The following DEXI variants were observed in gnomAD, a reference collection of about 807,000 sequenced individuals.
DEXI encodes dexamethasone-induced protein.
In DEXI, 2 loss-of-function variants were observed where a neutral mutation model predicts 2.5. That is an observed-to-expected ratio of 0.81 (90% CI 0.33 to 2.55). The LOEUF is 2.55. DEXI is among the 30% of genes most tolerant of loss of function. The probability of loss-of-function intolerance (pLI) is 0.11; values close to 1 mark genes in which losing one functional copy is unlikely to be tolerated. For synonymous variants in DEXI, 71 were observed against 68.7 expected (o/e 1.03, Z -0.17); for missense variants, 108 against 130.3 (o/e 0.83, Z 0.83).
chr16:10,938,391 C>A lies in DEXI; in HGVS notation c.*149+3178G>T, dbSNP rs1053564337. On this transcript the variant is annotated intron_variant, in intron 1 of 1. Transcript: ENST00000331808. The surrounding 1 kb of genome is among the most constrained non-coding windows in gnomAD (Gnocchi z 4.9). ...AGAGAAAAAAAAAAAAAAGAGGGAGCAAAAGTAGGTGCACCTGTTCATCTT... is the reference window on the plus strand; with the variant it reads ...AGAGAAAAAAAAAAAAAAGAGGGAGAAAAAGTAGGTGCACCTGTTCATCTT... The A allele has an allele frequency of 6.6e-6, 1 of 151,270 alleles. No individual in the cohort carries two copies. The highest frequency in any genetic ancestry group is 6.6e-5 in the Admixed American group (1 of 15,180). 9.4% of individuals were successfully genotyped at this position (151,270 alleles called of 1,614,324 possible).
At chr16:10,932,714 G>C (rs1395615101) in intron 1 of DEXI, 1 of 59,698 alleles carries the variant, frequency 1.7e-5, no homozygotes, top group South Asian at 5.3e-4. Flanking sequence ...TTTTTTTTTT[G>C]AGACAGGGTC....
At chr16:10,932,548 G>A (rs1007371836) in intron 1 of DEXI, 3 of 152,036 alleles carry the variant, frequency 2.0e-5, no homozygotes, top group African/African-American at 7.2e-5. Context: ...CTGAGATGGG[G>A]GTATCCAATC....
rs2040959999 is a variant in DEXI at position 10,934,849 on chromosome 16, GA to G, written c.*150-5291del. ...TGTGAGGGCACCAGCACCATCTGGG[GA>G]CTCGCTGGGTACCAATTATCACCGC... On this transcript the variant is annotated intron_variant, in intron 1 of 1. Transcript: ENST00000331808. This position sits in a 1 kb window ranked among gnomAD's most constrained non-coding sequence, Gnocchi z 4.2. The G allele has an allele frequency of 6.6e-6, 1 of 152,266 alleles. No individual in the cohort carries two copies. 9.4% of individuals were successfully genotyped at this position (152,266 alleles called of 1,614,324 possible).
In DEXI at chr16:10,939,262, C is replaced by T. The variant is rs1484951932; in HGVS notation, c.*149+2307G>A. 1.3e-5 allele frequency: 2 copies of T among 152,254 alleles called. No individual in the cohort carries two copies. Among genetic ancestry groups the T allele is most frequent in the African/African-American group, 4.8e-5 (2 of 41,436 alleles). The allele number at this position is 152,254 out of a possible 1,614,324, so 9.4% of individuals were successfully genotyped here. The stretch of plus-strand genomic sequence containing the variant: ...CCTCTGTCACCTCTGGCCTGGACAA[C>T]TAACAGCATCTGAGGTGGTGGCCCT... On this transcript the variant is annotated intron_variant, in intron 1 of 1. Coordinates refer to ENST00000331808, the MANE Select transcript of DEXI (RefSeq NM_014015.4). The surrounding 1 kb of genome is among the most constrained non-coding windows in gnomAD (Gnocchi z 4.9).
At position 10,929,630 on chromosome 16, in the gene DEXI, G is replaced by C. The variant is rs1383112460; in HGVS notation, c.*150-71C>G. 4.3e-6 allele frequency: 4 copies of C among 936,622 alleles called. No homozygotes were observed. The highest frequency in any genetic ancestry group is 5.1e-6 in the Non-Finnish European group (4 of 785,550). The allele number at this position is 936,622 out of a possible 1,614,324, so 58.0% of individuals were successfully genotyped here. On this transcript the variant is annotated intron_variant, in intron 1 of 1. Transcript: ENST00000331808. The surrounding 1 kb of genome is among the most constrained non-coding windows in gnomAD (Gnocchi z 4.3). ...CTGCCACCAGGTTGGCTGGGGACAG[G>C]GACCAATCCACCAGGCTCGGGAGGC... is the stretch of plus-strand genomic sequence containing the variant.
rs1419783517 is a variant in DEXI, at chr16:10,937,579, G to A, written c.*149+3990C>T. ...GCACCAGGACAAGCTGACTCTGGTGGCAACGTTCTCCAGTCTCTGCATTTT... is the reference window on the plus strand; with the variant it reads ...GCACCAGGACAAGCTGACTCTGGTGACAACGTTCTCCAGTCTCTGCATTTT... On this transcript the variant is annotated intron_variant, in intron 1 of 1. Transcript: ENST00000331808. The surrounding 1 kb of genome is among the most constrained non-coding windows in gnomAD (Gnocchi z 4.2). 6.6e-6 allele frequency: 1 copy of A among 152,248 alleles called. No individual in the cohort carries two copies. The highest frequency in any genetic ancestry group is 1.5e-5 in the Non-Finnish European group (1 of 68,050). The allele number at this position is 152,248 out of a possible 1,614,324, so 9.4% of individuals were successfully genotyped here.
Position 10,939,247 on chromosome 16 carries a change from C to T in DEXI, c.*149+2322G>A, listed in dbSNP as rs1275300839. On this transcript the variant is annotated intron_variant, in intron 1 of 1. Transcript: ENST00000331808. This position sits in a 1 kb window ranked among gnomAD's most constrained non-coding sequence, Gnocchi z 4.9. ...CTCCCCTCATCCAAGCCTCTGTCACCTCTGGCCTGGACAACTAACAGCATC... is the reference window on the plus strand; with the variant it reads ...CTCCCCTCATCCAAGCCTCTGTCACTTCTGGCCTGGACAACTAACAGCATC... 1 of 152,272 alleles carries T rather than the reference C, an allele frequency of 6.6e-6. No individual in the cohort carries two copies. Among genetic ancestry groups the T allele is most frequent in the Non-Finnish European group, 1.5e-5 (1 of 68,082 alleles). The allele number at this position is 152,272 out of a possible 1,614,324, so 9.4% of individuals were successfully genotyped here. A position where few individuals can be genotyped will look rare whatever the true frequency, so the allele number is the denominator to read the frequency against.
Position 10,937,224 on chromosome 16 carries a change from T to C in DEXI, c.*149+4345A>G, listed in dbSNP as rs890040352. 2 of 152,332 alleles carry C rather than the reference T, an allele frequency of 1.3e-5. No individual in the cohort carries two copies. The highest frequency in any genetic ancestry group is 6.5e-5 in the Admixed American group (1 of 15,290). 9.4% of individuals were successfully genotyped at this position (152,332 alleles called of 1,614,324 possible). On this transcript the variant is annotated intron_variant, in intron 1 of 1. Coordinates refer to ENST00000331808, the MANE Select transcript of DEXI (RefSeq NM_014015.4). This position sits in a 1 kb window ranked among gnomAD's most constrained non-coding sequence, Gnocchi z 4.2. ...GAGGTGGCCAGGCCTGGGGGTATAC[T>C]TGCCTCCCTGTGTCACCATTGTCTG...
intron 1 of DEXI, chr16:10,935,833 A>G (rs916180293): frequency 2.0e-5 from 3 of 152,180 alleles, no homozygotes; most frequent in African/African-American, 7.2e-5. Flanking sequence ...CCAGCCTTGT[A>G]CTCTGCTTAA....
rs2040694390 is a variant in DEXI at position 10,929,696 on chromosome 16, TAGGGAA to T, written c.*150-143_*150-138del. 3.1e-6 allele frequency: 1 copy of T among 322,166 alleles called. No individual in the cohort carries two copies. The highest frequency in any genetic ancestry group is 1.7e-4 in the East Asian group (1 of 5,836). 20.0% of individuals were successfully genotyped at this position (322,166 alleles called of 1,614,324 possible). A position where few individuals can be genotyped will look rare whatever the true frequency, so the allele number is the denominator to read the frequency against. ...GAAGTCTTCCTCCATCCCTCAAATT[TAGGGAA>T]CCACTGGGAGCCCCAGACTCAGGCT... On this transcript the variant is annotated intron_variant, in intron 1 of 1. Transcript: ENST00000331808. This position sits in a 1 kb window ranked among gnomAD's most constrained non-coding sequence, Gnocchi z 4.3.
In DEXI at chr16:10,939,297, C is replaced by T. The variant is rs1018707569; in HGVS notation, c.*149+2272G>A. On this transcript the variant is annotated intron_variant, in intron 1 of 1. Transcript: ENST00000331808. The surrounding 1 kb of genome is among the most constrained non-coding windows in gnomAD (Gnocchi z 4.9). Reference sequence around the variant, plus strand: ...CTGAGGTGGTGGCCCTGCTTCCCCTCTTACCCCTCAGCTCATTCTGTCCAC... The same window carrying T: ...CTGAGGTGGTGGCCCTGCTTCCCCTTTTACCCCTCAGCTCATTCTGTCCAC... 3.3e-5 allele frequency: 5 copies of T among 152,306 alleles called. No homozygotes were observed. Among genetic ancestry groups the T allele is most frequent in the Non-Finnish European group, 5.9e-5 (4 of 68,106 alleles). The allele number at this position is 152,306 out of a possible 1,614,324, so 9.4% of individuals were successfully genotyped here.
Position 10,929,309 on chromosome 16 carries a change from T to C in DEXI, c.*400A>G, listed in dbSNP as rs1185531627. On this transcript the variant is annotated 3_prime_UTR_variant, in exon 2 of 2. Transcript: ENST00000331808. The surrounding 1 kb of genome is among the most constrained non-coding windows in gnomAD (Gnocchi z 4.3). ...TGGGGGAAGCAGGTGCGCTCCGGGA[T>C]GAAGTGCAGGGAGGCAAACTCTGGC... The C allele has an allele frequency of 1.0e-6, 1 of 985,788 alleles. No individual in the cohort carries two copies. Among genetic ancestry groups the C allele is most frequent in the Non-Finnish European group, 1.2e-6 (1 of 829,982 alleles). The allele number at this position is 985,788 out of a possible 1,614,324, so 61.1% of individuals were successfully genotyped here. A position where few individuals can be genotyped will look rare whatever the true frequency, so the allele number is the denominator to read the frequency against.
rs867412282 is a variant in DEXI, at chr16:10,941,596, T to G, written c.*122A>C. 17 of 1,480,996 alleles carry G rather than the reference T, an allele frequency of 1.1e-5. 1 individual carries two copies. In the South Asian group the frequency reaches 2.3e-4, roughly 20 times the overall value. The allele number at this position is 1,480,996 out of a possible 1,614,324, so 91.7% of individuals were successfully genotyped here. A position where few individuals can be genotyped will look rare whatever the true frequency, so the allele number is the denominator to read the frequency against. ...GCCTCGGAGGCAGGGGAGGGTCTCC[T>G]CCTGGGGAACCATCCCCGTCCAGAT... is the stretch of plus-strand genomic sequence containing the variant. On this transcript the variant is annotated 3_prime_UTR_variant, in exon 1 of 2. Coordinates refer to ENST00000331808, the MANE Select transcript of DEXI (RefSeq NM_014015.4). This position sits in a 1 kb window ranked among gnomAD's most constrained non-coding sequence, Gnocchi z 6.4.
intron 1 of DEXI, chr16:10,931,513 A>G (rs1027362268): frequency 2.6e-5 from 4 of 152,210 alleles, no homozygotes; most frequent in Non-Finnish European, 4.4e-5. Context: ...GTTACCTTCT[A>G]TTTATAGCAA....
At position 10,929,855 on chromosome 16, in the gene DEXI, G is replaced by C. The variant is rs1258352991; in HGVS notation, c.*150-296C>G. 6.6e-6 allele frequency: 1 copy of C among 152,602 alleles called. No homozygotes were observed. Among genetic ancestry groups the C allele is most frequent in the Non-Finnish European group, 1.5e-5 (1 of 68,366 alleles). The allele number at this position is 152,602 out of a possible 1,614,324, so 9.5% of individuals were successfully genotyped here. On this transcript the variant is annotated intron_variant, in intron 1 of 1. Coordinates refer to ENST00000331808, the MANE Select transcript of DEXI (RefSeq NM_014015.4). This position sits in a 1 kb window ranked among gnomAD's most constrained non-coding sequence, Gnocchi z 4.3. ...GGACTGTCCTGTTTATTGGGAGGGA[G>C]GAGGGGGATGCTGGTGCAGCCTGCT...
rs980278301 is a variant in DEXI at position 10,940,173 on chromosome 16, C to G, written c.*149+1396G>C. ...ACCCTGTACCACCATCTGCAACAGA[C>G]TCAATGTTTGTGTCTCCTCAAACTT... On this transcript the variant is annotated intron_variant, in intron 1 of 1. Transcript: ENST00000331808. This position sits in a 1 kb window ranked among gnomAD's most constrained non-coding sequence, Gnocchi z 4.2. 5.2e-5 allele frequency: 8 copies of G among 152,396 alleles called. No homozygotes were observed. The highest frequency in any genetic ancestry group is 5.2e-4 in the Admixed American group (8 of 15,304). 9.4% of individuals were successfully genotyped at this position (152,396 alleles called of 1,614,324 possible). A position where few individuals can be genotyped will look rare whatever the true frequency, so the allele number is the denominator to read the frequency against.
rs2041046293 is a variant in DEXI at position 10,937,564 on chromosome 16, A to T, written c.*149+4005T>A. 2 of 152,218 alleles carry T rather than the reference A, an allele frequency of 1.3e-5. No individual in the cohort carries two copies. The highest frequency in any genetic ancestry group is 2.1e-4 in the South Asian group (1 of 4,830). The allele number at this position is 152,218 out of a possible 1,614,324, so 9.4% of individuals were successfully genotyped here. A position where few individuals can be genotyped will look rare whatever the true frequency, so the allele number is the denominator to read the frequency against. ...CTCCAAATCTGAGCTGCACCAGGAC[A>T]AGCTGACTCTGGTGGCAACGTTCTC... On this transcript the variant is annotated intron_variant, in intron 1 of 1. Coordinates refer to ENST00000331808, the MANE Select transcript of DEXI (RefSeq NM_014015.4). This position sits in a 1 kb window ranked among gnomAD's most constrained non-coding sequence, Gnocchi z 4.2.
chr16:10,935,690 A>G (rs1040859346), intron 1 of DEXI: 10 of 152,256 alleles, frequency 6.6e-5, no homozygotes, highest in Non-Finnish European at 1.2e-4. Flanking sequence ...GACAGATGGC[A>G]TGTGCCTCTC....
rs4781025 is a variant in DEXI at position 10,941,102 on chromosome 16, A to G, written c.*149+467T>C. 63,251 of 152,100 alleles carry G rather than the reference A, an allele frequency of 0.42. 13,550 individuals are homozygous for G. The highest frequency in any genetic ancestry group is 0.59 in the East Asian group (3,030 of 5,170). 9.4% of individuals were successfully genotyped at this position (152,100 alleles called of 1,614,324 possible). On this transcript the variant is annotated intron_variant, in intron 1 of 1. Transcript: ENST00000331808. This position sits in a 1 kb window ranked among gnomAD's most constrained non-coding sequence, Gnocchi z 6.4. ...GAGCCCCTGCACTTAATCCCCACCC[A>G]GCTACCCCAAGGGCCACAGTACAAA...
Sources: gnomAD v4.1 joint callset for allele counts on GRCh38, gnomAD v4.1.1 for gene constraint, Gnocchi (gnomAD v3.1) non-coding constraint, MANE v1.5 for transcripts, NCBI Gene and HGNC (gene_info 2026-07-23, HGNC 2026-07-21) for gene names.